The following SLC6A5 variants were observed in gnomAD, a reference collection of about 807,000 sequenced individuals.
SLC6A5 encodes the protein sodium- and chloride-dependent glycine transporter 2.
SLC6A5 carries 58 observed loss-of-function variants against 90.5 expected under a neutral mutation model. The observed-to-expected ratio is 0.64, with a 90% confidence interval of 0.52 to 0.80. The LOEUF (loss-of-function observed/expected upper bound fraction) is 0.80, where lower values mean the gene tolerates loss of function less well. Ranked by LOEUF, SLC6A5 falls within the 30% of genes least tolerant of loss-of-function variation. The pLI is 0.00. For synonymous variants in SLC6A5, 427 were observed against 401.4 expected, an observed-to-expected ratio of 1.06 and a Z score of -0.76; for missense variants, 1,015 against 1,017.6, an observed-to-expected ratio of 1.00 and a Z score of 0.03.
rs751692774 is a variant in SLC6A5, at chr11:20,607,110, T to C, written c.783T>C (p.Ser261=). ...LGQFASQGPV[S]VWKAIPALQG... is the part of the protein sequence containing the mutation. Reference sequence around the variant, plus strand: ...AGTTTGCCAGCCAGGGACCAGTGTCTGTGTGGAAGGCCATCCCAGCTCTAC... The same window carrying C: ...AGTTTGCCAGCCAGGGACCAGTGTCCGTGTGGAAGGCCATCCCAGCTCTAC... The change falls in exon 4 of 16, where the codon TCT becomes TCC. Residue 261 remains serine (S), a synonymous_variant. Coordinates refer to ENST00000525748, the MANE Select transcript of SLC6A5 (RefSeq NM_004211.5). 1 of 1,614,124 alleles carries C rather than the reference T, an allele frequency of 6.2e-7. No individual in the cohort carries two copies. Among genetic ancestry groups the C allele is most frequent in the Non-Finnish European group, 8.5e-7 (1 of 1,180,010 alleles).
intron 6 of SLC6A5, 103 bp from the exon 7 acceptor site, chr11:20,617,649 T>C: frequency 1.0e-6 from 1 of 998,696 alleles, no homozygotes; most frequent in Non-Finnish European, 1.6e-6. Context: ...GCTGGGGTTT[T>C]GTGCAAGCCT....
chr11:20,619,567 G>T (rs1022991511), intron 7 of SLC6A5, among the ~76,000 whole-genome samples: 2 of 152,096 alleles, frequency 1.3e-5, no homozygotes, highest in Non-Finnish European at 2.9e-5. Flanking sequence ...GCTGTGTAGG[G>T]ATATCTCTAC....
At position 20,637,262 on chromosome 11, in the gene SLC6A5, T is replaced by A; in HGVS notation, c.1828T>A (p.Cys610Ser). ...CAAGCCAGTGTTTACTCTGGGCTGC[T>A]GCATTTGTTTCTTCATCATGGGTTT... Reference protein sequence around the residue: ...THKPVFTLGCCICFFIMGFPM... With the variant: ...THKPVFTLGCSICFFIMGFPM... The change falls in exon 12 of 16, where the codon TGC (cysteine) becomes AGC (serine). Residue 610 changes from cysteine (C) to serine (S), a missense_variant. This residue lies in a region of SLC6A5 where 442 missense variants were observed against 494.3 expected (regional missense o/e 0.89). Coordinates refer to ENST00000525748, the MANE Select transcript of SLC6A5 (RefSeq NM_004211.5). 2 of 1,613,982 alleles carry A rather than the reference T, an allele frequency of 1.2e-6. No homozygotes were observed. Among genetic ancestry groups the A allele is most frequent in the South Asian group, 2.2e-5 (2 of 91,076 alleles).
Position 20,628,090 on chromosome 11 carries a change from A to G in SLC6A5, c.1499+7A>G. The stretch of plus-strand genomic sequence containing the variant: ...TCCACAACAACTGCTACAGGTATGT[A>G]GAGGTACTACAAGATCTGGGCATAG... On this transcript the variant is annotated splice_region_variant and intron_variant, in intron 9 of 15. Transcript: ENST00000525748. The G allele has an allele frequency of 6.2e-7, 1 of 1,605,870 alleles. No individual in the cohort carries two copies. Among genetic ancestry groups the G allele is most frequent in the Non-Finnish European group, 8.5e-7 (1 of 1,172,500 alleles).
intron 13 of SLC6A5, among the ~76,000 whole-genome samples, chr11:20,643,507 GAAAAGCCTT>G (rs1853353727): frequency 2.0e-5 from 3 of 152,182 alleles, no homozygotes; most frequent in Admixed American, 2.0e-4. Flanking sequence ...GACCTCTCCG[GAAAAGCCTT>G]AAGAGCTCAT....
At chr11:20,650,699 C>T (rs1853510801) in intron 14 of SLC6A5, among the ~76,000 whole-genome samples, 1 of 135,138 alleles carries the variant, frequency 7.4e-6, no homozygotes, top group Non-Finnish European at 1.5e-5. Context: ...TGGAGTCTCG[C>T]TCTGTCGCCC....
intron 14 of SLC6A5, among the ~76,000 whole-genome samples, chr11:20,651,632 GC>G (rs2133824315): frequency 6.6e-6 from 1 of 151,772 alleles, no homozygotes; most frequent in East Asian, 2.0e-4. Context: ...TACGGGCTGG[GC>G]ACAGTGGCTC....
chr11:20,645,513 A>G (rs895663860), intron 13 of SLC6A5, among the ~76,000 whole-genome samples: 3 of 152,134 alleles, frequency 2.0e-5, no homozygotes, highest in Non-Finnish European at 2.9e-5. Context: ...ACCAAGGTCT[A>G]GAAAGAAGGC....
intron 5 of SLC6A5, among the ~76,000 whole-genome samples, chr11:20,612,931 C>A (rs1459675875): frequency 6.6e-6 from 1 of 152,200 alleles, no homozygotes; most frequent in Non-Finnish European, 1.5e-5. Flanking sequence ...TTTGCCACAA[C>A]ATCTGGAAAA....
intron 10 of SLC6A5, among the ~76,000 whole-genome samples, chr11:20,633,029 T>C (rs544842590): frequency 6.6e-6 from 1 of 152,176 alleles, no homozygotes; most frequent in African/African-American, 2.4e-5. Context: ...GCTTTTATGA[T>C]AGGCATAGGG....
chr11:20,608,958 C>CTCTCTCTCTG (rs368771053), intron 5 of SLC6A5, among the ~76,000 whole-genome samples: 44 of 110,922 alleles, frequency 4.0e-4, no homozygotes, highest in African/African-American at 1.3e-3. Context: ...CTCTCTCTCT[C>CTCTCTCTCTG]TGTGTGTGTG....
intron 5 of SLC6A5, among the ~76,000 whole-genome samples, chr11:20,610,353 G>A (rs1421660140): frequency 1.3e-5 from 2 of 152,180 alleles, no homozygotes; most frequent in African/African-American, 4.8e-5. Context: ...GCGAGCGAGC[G>A]GGGAGCCTGG....
intron 13 of SLC6A5, 65 bp from the exon 14 acceptor site, chr11:20,646,769 C>A (rs1853422742): frequency 1.8e-6 from 2 of 1,136,850 alleles, no homozygotes; most frequent in Admixed American, 1.7e-5. Flanking sequence ...CTAGTGCCTG[C>A]CCTGCCACCA....
chr11:20,626,565 C>G (rs1051270093), intron 7 of SLC6A5, 143 bp from the exon 8 acceptor site: 10 of 860,064 alleles, frequency 1.2e-5, no homozygotes, highest in Non-Finnish European at 1.7e-5. Context: ...CCTGCTTCCC[C>G]AGCCCTGGCT....
rs766925714 is a variant in SLC6A5, at chr11:20,628,061, A to G, written c.1477A>G (p.Lys493Glu). ...CCTGATCACTCTCTCTTCTTACAAC[A>G]AATTCCACAACAACTGCTACAGGTA... ...GGLITLSSYNKFHNNCYRDTL... is the reference protein window; with the variant it reads ...GGLITLSSYNEFHNNCYRDTL... The change falls in exon 9 of 16, where the codon AAA becomes GAA. Residue 493 changes from lysine to glutamate, a missense_variant. This residue lies in a region of SLC6A5 where 442 missense variants were observed against 494.3 expected (regional missense o/e 0.89). Coordinates refer to ENST00000525748, the MANE Select transcript of SLC6A5 (RefSeq NM_004211.5). The G allele has an allele frequency of 2.5e-6, 4 of 1,613,962 alleles. No homozygotes were observed. The South Asian group carries it at 4.4e-5, about 18-fold the overall frequency.
At chr11:20,620,039 C>T (rs985253671) in intron 7 of SLC6A5, among the ~76,000 whole-genome samples, 4 of 152,294 alleles carry the variant, frequency 2.6e-5, no homozygotes, top group African/African-American at 9.6e-5. Flanking sequence ...TTCATCATCT[C>T]CAAAGGGCCC....
At chr11:20,625,678 C>G (rs187940679) in intron 7 of SLC6A5, among the ~76,000 whole-genome samples, 1 of 152,156 alleles carries the variant, frequency 6.6e-6, no homozygotes, top group Non-Finnish European at 1.5e-5. Context: ...AGCCCCCCAC[C>G]CCCTACTCTT....
At chr11:20,625,160 C>T (rs1852968532) in intron 7 of SLC6A5, among the ~76,000 whole-genome samples, 1 of 152,180 alleles carries the variant, frequency 6.6e-6, no homozygotes, top group African/African-American at 2.4e-5. Context: ...CAAGCCCTAC[C>T]TTCACCTTGA....
chr11:20,604,261 C>G (rs770150735), intron 2 of SLC6A5, 25 bp from the exon 3 acceptor site: 5 of 1,597,472 alleles, frequency 3.1e-6, no homozygotes, highest in Middle Eastern at 1.7e-4. Flanking sequence ...GGGCTGTTAT[C>G]GACAATGTGC....
Sources: gnomAD v4.1 joint callset for allele counts (sites outside exome capture counted in the v4.1 genomes callset) on GRCh38, gnomAD v4.1.1 for gene constraint, gnomAD v4.1.1 regional missense constraint, MANE v1.5 for transcripts, NCBI Gene and HGNC (gene_info 2026-07-23, HGNC 2026-07-21) for gene names.